Variants in FAM171B observed in about 807,000 individuals in gnomAD.
FAM171B encodes protein FAM171B.
In FAM171B, 19 loss-of-function variants were observed where a neutral mutation model predicts 75.6. The observed-to-expected ratio is 0.25, with a 90% CI of 0.18 to 0.37. The LOEUF (loss-of-function observed/expected upper bound fraction) is 0.37. FAM171B is among the 10% of genes least tolerant of loss of function. The pLI, the probability that FAM171B is intolerant of heterozygous loss-of-function variation, is 1.00. For synonymous variants in FAM171B, 367 were observed against 361.7 expected, an observed-to-expected ratio of 1.01 and a Z score of -0.17; for missense variants, 848 against 982.4, an observed-to-expected ratio of 0.86 and a Z score of 1.83.
intron 1 of FAM171B, among the ~76,000 whole-genome samples, chr2:186,737,017 A>C (rs1690212505): frequency 6.6e-6 from 1 of 152,236 alleles, no homozygotes; most frequent in Admixed American, 6.5e-5. Context: ...GTGATACACA[A>C]GCTCTGTACT....
chr2:186,762,472 C>G lies in FAM171B; in HGVS notation c.2130C>G (p.Asp710Glu). 6.2e-7 allele frequency: 1 copy of G among 1,613,478 alleles called. No individual in the cohort carries two copies. Among genetic ancestry groups the G allele is most frequent in the Non-Finnish European group, 8.5e-7 (1 of 1,179,748 alleles). The change falls in exon 8 of 8, where the codon GAC (aspartate) becomes GAG (glutamate). Residue 710 changes from aspartate (D) to glutamate (E), a missense_variant. Physicochemically the swap from Asp to Glu is conservative, Grantham distance 45 (BLOSUM62 2). Coordinates refer to ENST00000304698, the MANE Select transcript of FAM171B (RefSeq NM_177454.4). The surrounding 1 kb of genome is among the most constrained non-coding windows in gnomAD (Gnocchi z 4.0). ...ACACCAGTCTGGACTCTGGGGTGGA[C>G]ATGAATGAGCTTCACTCAAGTAGAA... ...SNDTSLDSGV[D>E]MNELHSSRKL...
chr2:186,701,122 T>C (rs1689654308), intron 1 of FAM171B, among the ~76,000 whole-genome samples: 1 of 152,062 alleles, frequency 6.6e-6, no homozygotes, highest in African/African-American at 2.4e-5. Context: ...GGTTTCACCA[T>C]GTTGACCAAG....
intron 1 of FAM171B, among the ~76,000 whole-genome samples, chr2:186,723,351 C>T (rs1689983090): frequency 6.6e-6 from 1 of 152,112 alleles, no homozygotes; most frequent in African/African-American, 2.4e-5. Context: ...ACAAATGACT[C>T]TTTTAAATAG....
chr2:186,728,935 G>A (rs1210011029), intron 1 of FAM171B, among the ~76,000 whole-genome samples: 1 of 152,108 alleles, frequency 6.6e-6, no homozygotes, highest in Non-Finnish European at 1.5e-5. Flanking sequence ...TATATAGTTA[G>A]CAGTATTTTT....
intron 6 of FAM171B, among the ~76,000 whole-genome samples, chr2:186,754,612 G>T (rs202041852): frequency 9.6e-4 from 146 of 152,156 alleles, no homozygotes; most frequent in Admixed American, 8.6e-3. Flanking sequence ...TCATCCTATT[G>T]GCCCACTTTT....
chr2:186,707,458 T>A (rs1203114694), intron 1 of FAM171B, among the ~76,000 whole-genome samples: 2 of 152,224 alleles, frequency 1.3e-5, no homozygotes, highest in Non-Finnish European at 2.9e-5. Flanking sequence ...ATGTCCATTC[T>A]TGATGCTCTG....
intron 4 of FAM171B, among the ~76,000 whole-genome samples, chr2:186,749,537 G>A (rs998307049): frequency 1.3e-5 from 2 of 152,172 alleles, no homozygotes; most frequent in Admixed American, 1.3e-4. Context: ...TTTAATATTT[G>A]TCTTTCAGGT....
intron 1 of FAM171B, among the ~76,000 whole-genome samples, chr2:186,732,745 G>A (rs1690137767): frequency 6.6e-6 from 1 of 152,200 alleles, no homozygotes; most frequent in South Asian, 2.1e-4. Context: ...GGCTGCATGT[G>A]CAGTGTGTTT....
chr2:186,711,795 G>T lies in FAM171B; in HGVS notation c.238+17384G>T, dbSNP rs191509721. ...TTGACACTTTTTTCTCATTGACACTGCCCTGCCTCTTTTATAGTCCAAACT... is the reference window on the plus strand; with the variant it reads ...TTGACACTTTTTTCTCATTGACACTTCCCTGCCTCTTTTATAGTCCAAACT... On this transcript the variant is annotated intron_variant, in intron 1 of 7. Transcript: ENST00000304698. Among the ~76,000 whole-genome samples, 34 of 152,094 alleles carry T rather than the reference G, an allele frequency of 2.2e-4. No homozygotes were observed. The East Asian group carries it at 6.6e-3, about 29-fold the overall frequency.
chr2:186,757,842 G>C (rs1392653158), intron 6 of FAM171B, among the ~76,000 whole-genome samples: 1 of 152,230 alleles, frequency 6.6e-6, no homozygotes, highest in East Asian at 1.9e-4. Flanking sequence ...TGTGAGTTTT[G>C]TTGGATTCCT....
intron 3 of FAM171B, 107 bp downstream of exon 3, chr2:186,743,682 G>T (rs1690326070): frequency 1.3e-6 from 1 of 756,948 alleles, no homozygotes; most frequent in Non-Finnish European, 2.3e-6. Flanking sequence ...AATCTAAATT[G>T]ATCAGTATGA....
At chr2:186,704,703 G>T (rs1475071143) in intron 1 of FAM171B, among the ~76,000 whole-genome samples, 1 of 152,190 alleles carries the variant, frequency 6.6e-6, no homozygotes, top group Non-Finnish European at 1.5e-5. Context: ...CTTCAAGTTT[G>T]TGAATCAGAG....
chr2:186,711,724 G>C (rs1689811501), intron 1 of FAM171B, among the ~76,000 whole-genome samples: 1 of 152,100 alleles, frequency 6.6e-6, no homozygotes, highest in South Asian at 2.1e-4. Context: ...AACTCTATAT[G>C]TTATTTCTTA....
intron 1 of FAM171B, among the ~76,000 whole-genome samples, chr2:186,729,978 A>T (rs1280278446): frequency 6.6e-6 from 1 of 151,714 alleles, no homozygotes; most frequent in Admixed American, 6.6e-5. Context: ...TGTTTTTGAG[A>T]CAGAGTCTCT....
chr2:186,698,452 T>C (rs1325078735), intron 1 of FAM171B, among the ~76,000 whole-genome samples: 2 of 152,148 alleles, frequency 1.3e-5, no homozygotes, highest in Admixed American at 1.3e-4. Context: ...ATGGTCAAAA[T>C]TCTGCCATTG....
intron 6 of FAM171B, 130 bp from the exon 7 acceptor site, chr2:186,760,983 A>G: frequency 4.3e-6 from 4 of 920,124 alleles, no homozygotes; most frequent in Non-Finnish European, 6.4e-6. Context: ...CCATAGGGAA[A>G]TCTGTCATAG....
chr2:186,743,339 C>T, intron 2 of FAM171B, 144 bp from the exon 3 acceptor site: 26 of 570,284 alleles, frequency 4.6e-5, no homozygotes, highest in South Asian at 1.2e-4. Flanking sequence ...TTCATTCTTC[C>T]TTTGTTTTGA....
intron 1 of FAM171B, among the ~76,000 whole-genome samples, chr2:186,712,445 C>T (rs1433853657): frequency 6.6e-6 from 1 of 152,106 alleles, no homozygotes. Context: ...CAGTGCTAGA[C>T]ACATAATAGG....
intron 5 of FAM171B, among the ~76,000 whole-genome samples, chr2:186,752,856 G>A (rs1258882583): frequency 6.6e-6 from 1 of 152,074 alleles, no homozygotes; most frequent in Non-Finnish European, 1.5e-5. Flanking sequence ...AAATAGCTTT[G>A]TTATGCTATT....
Sources: gnomAD v4.1 joint callset for allele counts (sites outside exome capture counted in the v4.1 genomes callset) on GRCh38, gnomAD v4.1.1 for gene constraint, Gnocchi (gnomAD v3.1) non-coding constraint, MANE v1.5 for transcripts, NCBI Gene and HGNC (gene_info 2026-07-23, HGNC 2026-07-21) for gene names.